Variants in SGCZ observed in about 807,000 individuals in gnomAD.
SGCZ encodes zeta-sarcoglycan.
Under a neutral mutation model 41.3 loss-of-function variants are expected in SGCZ, and 40 were observed. The ratio of observed to expected loss-of-function variants is 0.97; its 90% confidence interval spans 0.75 to 1.26. The LOEUF is 1.26. Among genes scored for constraint, SGCZ ranks in the 50% most tolerant of loss-of-function variants. The pLI is 0.00. For missense variants in SGCZ, 552 were observed against 369.8 expected (o/e 1.49, Z -4.04); for synonymous variants, 206 against 137.5 (o/e 1.50, Z -3.49).
intron 4 of SGCZ, among the ~76,000 whole-genome samples, chr8:14,230,305 T>C (rs2117146281): frequency 6.6e-6 from 1 of 151,970 alleles, no homozygotes; most frequent in Admixed American, 6.6e-5. Context: ...GTGTATAGAG[T>C]AGTACACATG....
intron 1 of SGCZ, among the ~76,000 whole-genome samples, chr8:14,616,031 C>T (rs995590248): frequency 6.6e-6 from 1 of 152,144 alleles, no homozygotes; most frequent in Non-Finnish European, 1.5e-5. Context: ...GGCCTGTAAT[C>T]CCAGCACTTT....
At chr8:14,989,108 C>G (rs1219092196) in intron 1 of SGCZ, among the ~76,000 whole-genome samples, 1 of 152,212 alleles carries the variant, frequency 6.6e-6, no homozygotes, top group East Asian at 1.9e-4. Flanking sequence ...CCTCCCAGGA[C>G]AGTAGAAACC....
intron 1 of SGCZ, among the ~76,000 whole-genome samples, chr8:15,189,134 A>G (rs1410856383): frequency 2.0e-5 from 3 of 152,166 alleles, no homozygotes; most frequent in African/African-American, 7.2e-5. Flanking sequence ...TTTTGCTTTG[A>G]TATAGATCAA....
intron 1 of SGCZ, among the ~76,000 whole-genome samples, chr8:14,555,755 G>C (rs192888595): frequency 6.6e-6 from 1 of 151,974 alleles, no homozygotes; most frequent in East Asian, 1.9e-4. Context: ...GATACAAATG[G>C]TTCAGTATAT....
At chr8:15,200,788 C>T (rs368779371) in intron 1 of SGCZ, among the ~76,000 whole-genome samples, 1 of 152,132 alleles carries the variant, frequency 6.6e-6, no homozygotes, top group Non-Finnish European at 1.5e-5. Context: ...TAGGCCAAGA[C>T]ACAAACCCAC....
chr8:14,417,568 T>A (rs1799528290), intron 2 of SGCZ, among the ~76,000 whole-genome samples: 1 of 151,886 alleles, frequency 6.6e-6, no homozygotes, highest in African/African-American at 2.4e-5. Context: ...CTTAATTTCG[T>A]TTCTTACATT....
intron 1 of SGCZ, among the ~76,000 whole-genome samples, chr8:14,975,648 C>A (rs1289633840): frequency 6.6e-6 from 1 of 152,006 alleles, no homozygotes; most frequent in Non-Finnish European, 1.5e-5. Context: ...ATATAGGACT[C>A]AGTGTATATC....
Position 15,233,569 on chromosome 8 carries a change from G to C in SGCZ, c.39+4016C>G, listed in dbSNP as rs2117213784. ...GGGAAGGTTTTTCCTCACCTATCTA[G>C]GGCAAGATTCAAGTTCTTGGTAGAT... On this transcript the variant is annotated intron_variant, in intron 1 of 7. Transcript: ENST00000382080. 1.3e-5 allele frequency among the ~76,000 whole-genome samples: 2 copies of C among 151,844 alleles called. 1 individual carries two copies. Among genetic ancestry groups the C allele is most frequent in the Non-Finnish European group, 2.9e-5 (2 of 67,870 alleles).
chr8:14,155,425 T>C (rs1273471739), intron 5 of SGCZ, among the ~76,000 whole-genome samples: 1 of 152,192 alleles, frequency 6.6e-6, no homozygotes, highest in Non-Finnish European at 1.5e-5. Context: ...GGAGTTACTT[T>C]TCCCTCTATT....
At chr8:14,576,781 T>C (rs1354383668) in intron 1 of SGCZ, among the ~76,000 whole-genome samples, 1 of 152,168 alleles carries the variant, frequency 6.6e-6, no homozygotes, top group Non-Finnish European at 1.5e-5. Context: ...CATGAGCAGA[T>C]GCACACATCA....
At chr8:14,384,691 C>T (rs541827125) in intron 2 of SGCZ, among the ~76,000 whole-genome samples, 2 of 152,280 alleles carry the variant, frequency 1.3e-5, no homozygotes, top group East Asian at 3.9e-4. Flanking sequence ...ACCCTAGTAG[C>T]TGGGATTACA....
At chr8:14,165,786 C>T (rs982843004) in intron 4 of SGCZ, among the ~76,000 whole-genome samples, 9 of 152,152 alleles carry the variant, frequency 5.9e-5, no homozygotes, top group African/African-American at 2.2e-4. Context: ...CAAAGCAGGA[C>T]ATCATCTTTG....
At chr8:14,111,887 C>A (rs1289730609) in intron 5 of SGCZ, among the ~76,000 whole-genome samples, 1 of 152,108 alleles carries the variant, frequency 6.6e-6, no homozygotes, top group East Asian at 1.9e-4. Context: ...TTTACAAATG[C>A]CTAACATAAA....
chr8:15,124,725 C>T (rs907591975), intron 1 of SGCZ, among the ~76,000 whole-genome samples: 3 of 151,980 alleles, frequency 2.0e-5, no homozygotes, highest in African/African-American at 7.3e-5. Flanking sequence ...ATTATGAGGT[C>T]TAAATACTGG....
intron 2 of SGCZ, among the ~76,000 whole-genome samples, chr8:14,369,499 G>C (rs1157036409): frequency 6.6e-6 from 1 of 151,730 alleles, no homozygotes; most frequent in Non-Finnish European, 1.5e-5. Flanking sequence ...CCATTAATGA[G>C]GTTAACTTTT....
chr8:15,173,984 C>A (rs268388), intron 1 of SGCZ, among the ~76,000 whole-genome samples: 125,212 of 152,126 alleles, frequency 0.82, 51,715 homozygotes, highest in Non-Finnish European at 0.86. Context: ...AGCCTCCCAA[C>A]GTACTGGGAT....
intron 1 of SGCZ, among the ~76,000 whole-genome samples, chr8:15,131,271 C>T (rs541560678): frequency 6.6e-6 from 1 of 152,286 alleles, no homozygotes; most frequent in South Asian, 2.1e-4. Context: ...TTCTCCCATA[C>T]TGTTCTCATG....
chr8:14,422,486 G>C (rs1799661476), intron 2 of SGCZ, among the ~76,000 whole-genome samples: 1 of 152,118 alleles, frequency 6.6e-6, no homozygotes, highest in Admixed American at 6.6e-5. Flanking sequence ...TCAAACTTCA[G>C]GTTCAAATGT....
chr8:14,138,541 C>G (rs1044453578), intron 5 of SGCZ, among the ~76,000 whole-genome samples: 3 of 148,904 alleles, frequency 2.0e-5, no homozygotes, highest in Non-Finnish European at 4.4e-5. Context: ...GGTTGCATTT[C>G]TAGTCTCTGA....
Sources: allele counts gnomAD v4.1 joint callset (sites outside exome capture counted in the v4.1 genomes callset), GRCh38; gene constraint gnomAD v4.1.1; transcripts MANE v1.5; gene names NCBI Gene and HGNC (gene_info 2026-07-23, HGNC 2026-07-21).